TAF13: variants seen among roughly 807,000 people sequenced by gnomAD.
The protein encoded by TAF13 is transcription initiation factor TFIID subunit 13.
A neutral mutation model predicts 18.7 loss-of-function variants in TAF13; 9 were observed. That is an observed-to-expected ratio of 0.48 (90% CI 0.29 to 0.84). The LOEUF is 0.84. TAF13 is among the 40% of genes least tolerant of loss of function. TAF13 has a pLI of 0.08. For missense variants in TAF13, 105 were observed against 146.5 expected (o/e 0.72, Z 1.46); for synonymous variants, 49 against 44.1 (o/e 1.11, Z -0.44).
chr1:109,066,997 G>C, intron 2 of TAF13, among the ~76,000 whole-genome samples: 1 of 152,066 alleles, frequency 6.6e-6, no homozygotes, highest in East Asian at 1.9e-4. Flanking sequence ...GGGATTACAG[G>C]CGTGAGCCAC....
At chr1:109,072,538 G>T (rs1302590601) in intron 2 of TAF13, among the ~76,000 whole-genome samples, 1 of 152,066 alleles carries the variant, frequency 6.6e-6, no homozygotes, top group Non-Finnish European at 1.5e-5. Flanking sequence ...TCCACCTCCT[G>T]GGCTCAAGCC....
At chr1:109,065,365 T>C (rs1213772957) in intron 3 of TAF13, among the ~76,000 whole-genome samples, 1 of 151,948 alleles carries the variant, frequency 6.6e-6, no homozygotes, top group Non-Finnish European at 1.5e-5. Context: ...GGCATGTGCC[T>C]GTAGTCCCAG....
At chr1:109,071,315 C>T (rs1664047194) in intron 2 of TAF13, among the ~76,000 whole-genome samples, 1 of 152,102 alleles carries the variant, frequency 6.6e-6, no homozygotes, top group African/African-American at 2.4e-5. Context: ...GTGGCACACA[C>T]CTGTAATCCC....
rs1343016680 is a variant in TAF13, at chr1:109,075,978, C to T, written c.-31G>A. 3 of 1,614,200 alleles carry T rather than the reference C, an allele frequency of 1.9e-6. No homozygotes were observed. ...TAGCACGCCAACTCACAGCGTCCTG[C>T]CGGCTGGCTCCCAGCTGGTTACACT... On this transcript the variant is annotated 5_prime_UTR_variant, in exon 1 of 4. Coordinates refer to ENST00000338366, the MANE Select transcript of TAF13 (RefSeq NM_005645.4).
chr1:109,070,590 C>T (rs138051655), intron 2 of TAF13, among the ~76,000 whole-genome samples: 2,748 of 151,826 alleles, frequency 0.018, 94 homozygotes, highest in African/African-American at 0.063. Flanking sequence ...GACGGGGTTT[C>T]GCCATGTTGG....
rs745553699 is a variant in TAF13, at chr1:109,075,884, A to C, written c.27+37T>G. 3.7e-6 allele frequency: 6 copies of C among 1,614,150 alleles called. No homozygotes were observed. In the Admixed American group the frequency reaches 1.0e-4, roughly 27 times the overall value. On this transcript the variant is annotated intron_variant, in intron 1 of 3. Transcript: ENST00000338366. ...CTCCGCTACTGAGCCCGAAGGAGTG[A>C]AGAAAAGACAGGTTTTGGACAGAGA...
intron 2 of TAF13, among the ~76,000 whole-genome samples, chr1:109,070,602 C>G (rs1664031924): frequency 6.6e-6 from 1 of 152,016 alleles, no homozygotes; most frequent in Non-Finnish European, 1.5e-5. Context: ...CCATGTTGGC[C>G]AGGCTGGTCT....
Position 109,069,644 on chromosome 1 carries a change from A to T in TAF13, c.107-3412T>A, listed in dbSNP as rs372385740. ...TTATTGTACCTAAGTTTTTTTTTTT[A>T]AAAAAGATACTCATAGAATACTTCT... On this transcript the variant is annotated intron_variant, in intron 2 of 3. Transcript: ENST00000338366. 2.9e-3 allele frequency among the ~76,000 whole-genome samples: 437 copies of T among 151,318 alleles called. 2 individuals carry two copies. Among genetic ancestry groups the T allele is most frequent in the Middle Eastern group, 0.017 (5 of 294 alleles).
chr1:109,070,501 G>A (rs1056866201), intron 2 of TAF13, among the ~76,000 whole-genome samples: 3 of 152,268 alleles, frequency 2.0e-5, no homozygotes, highest in Middle Eastern at 3.4e-3. Context: ...ATAGGCATGA[G>A]CCACCGTGCC....
rs1364540369 is a variant in TAF13, at chr1:109,071,977, CACACAT to C, written c.106+3004_106+3009del. On this transcript the variant is annotated intron_variant, in intron 2 of 3. Coordinates refer to ENST00000338366, the MANE Select transcript of TAF13 (RefSeq NM_005645.4). The stretch of plus-strand genomic sequence containing the variant: ...AAGAAAATATATATATATATATATA[CACACAT>C]ATATATATATATATATATATATATA... 2.0e-3 allele frequency among the ~76,000 whole-genome samples: 14 copies of C among 6,834 alleles called. 2 individuals carry two copies. Among genetic ancestry groups the C allele is most frequent in the Admixed American group, 2.9e-3 (2 of 686 alleles). 4.5% of individuals were successfully genotyped at this position (6,834 alleles called of 152,430 possible).
chr1:109,073,262 G>A lies in TAF13; in HGVS notation c.106+1725C>T, dbSNP rs553019917. ...TCACTTAAAAAGCAATTTATAGGCC[G>A]GGTGCAGTGGCTCACGCCTGTAATC... On this transcript the variant is annotated intron_variant, in intron 2 of 3. Transcript: ENST00000338366. Among the ~76,000 whole-genome samples the A allele has an allele frequency of 9.9e-5, 15 of 152,122 alleles. No individual in the cohort carries two copies. The South Asian group carries it at 1.9e-3, about 19-fold the overall frequency.
intron 2 of TAF13, among the ~76,000 whole-genome samples, chr1:109,071,174 C>A (rs1166810024): frequency 6.6e-6 from 1 of 151,984 alleles, no homozygotes; most frequent in Non-Finnish European, 1.5e-5. Flanking sequence ...GGCACGGTGG[C>A]TCACGCCTGT....
intron 2 of TAF13, among the ~76,000 whole-genome samples, chr1:109,072,093 TATATATATATATATATATATATACACAC>T (rs1664085529): frequency 1.9e-4 from 1 of 5,356 alleles, no homozygotes; most frequent in Non-Finnish European, 4.2e-4. Flanking sequence ...CATATATATA[TATATATATATATATATATATATACACAC>T]ATATATATAT....
Position 109,064,398 on chromosome 1 carries a change from G to T in TAF13, c.*125C>A. 1.1e-6 allele frequency: 1 copy of T among 891,284 alleles called. No individual in the cohort carries two copies. The highest frequency in any genetic ancestry group is 1.5e-6 in the Non-Finnish European group (1 of 647,672). The allele number at this position is 891,284 out of a possible 1,614,324, so 55.2% of individuals were successfully genotyped here. ...TAAAATCAAAGGCATAAAAATAAAG[G>T]CTGAAAACTTTGTGTTTCTCCATCT... On this transcript the variant is annotated 3_prime_UTR_variant, in exon 4 of 4. Coordinates refer to ENST00000338366, the MANE Select transcript of TAF13 (RefSeq NM_005645.4).
At chr1:109,067,449 A>C (rs1290971348) in intron 2 of TAF13, among the ~76,000 whole-genome samples, 1 of 151,636 alleles carries the variant, frequency 6.6e-6, no homozygotes, top group Non-Finnish European at 1.5e-5. Flanking sequence ...AAAAAAAAAA[A>C]AAACACAAAA....
intron 3 of TAF13, among the ~76,000 whole-genome samples, chr1:109,065,203 G>A (rs182490098): frequency 1.3e-5 from 2 of 152,048 alleles, no homozygotes; most frequent in Admixed American, 6.6e-5. Flanking sequence ...TAATAATACG[G>A]CATTGAGCCA....
intron 2 of TAF13, among the ~76,000 whole-genome samples, chr1:109,067,566 C>A (rs1195773572): frequency 1.3e-5 from 2 of 151,938 alleles, no homozygotes; most frequent in African/African-American, 2.4e-5. Context: ...GCTGAGAATG[C>A]GCCACTGCAC....
At chr1:109,073,549 G>C (rs1664116550) in intron 2 of TAF13, among the ~76,000 whole-genome samples, 1 of 152,158 alleles carries the variant, frequency 6.6e-6, no homozygotes, top group African/African-American at 2.4e-5. Flanking sequence ...GTATTTTTTG[G>C]TGGAGACGGG....
chr1:109,075,207 C>A, intron 1 of TAF13, 142 bp from the exon 2 acceptor site: 1 of 686,122 alleles, frequency 1.5e-6, no homozygotes, highest in Non-Finnish European at 2.4e-6. Context: ...GAAACCTTAG[C>A]ATTGAAGGAG....
Sources: gnomAD v4.1 joint callset for allele counts (sites outside exome capture counted in the v4.1 genomes callset) on GRCh38, gnomAD v4.1.1 for gene constraint, MANE v1.5 for transcripts, NCBI Gene and HGNC (gene_info 2026-07-23, HGNC 2026-07-21) for gene names.